The following EPHA3 variants were observed in gnomAD, a reference collection of about 807,000 sequenced individuals.
The protein encoded by EPHA3 is EPH receptor A3, also known as ephrin type-A receptor 3.
Under a neutral mutation model 107.1 loss-of-function variants are expected in EPHA3, and 42 were observed. The ratio of observed to expected loss-of-function variants is 0.39; its 90% CI spans 0.31 to 0.51. The LOEUF is 0.51. Ranked by LOEUF, EPHA3 falls within the 20% of genes least tolerant of loss-of-function variation. The probability of loss-of-function intolerance (pLI) is 0.78; values close to 1 mark genes in which losing one functional copy is unlikely to be tolerated. For missense variants in EPHA3, 1,183 were observed against 1,211.2 expected, an observed-to-expected ratio of 0.98 and a Z score of 0.35; for synonymous variants, 461 against 424.8, an observed-to-expected ratio of 1.09 and a Z score of -1.05.
chr3:89,117,941 G>A (rs1009019023), intron 1 of EPHA3, among the ~76,000 whole-genome samples: 1 of 151,880 alleles, frequency 6.6e-6, no homozygotes, highest in Non-Finnish European at 1.5e-5. Context: ...AGAACTGACA[G>A]CATCATAGAA....
chr3:89,172,590 C>G (rs1705235128), intron 2 of EPHA3, among the ~76,000 whole-genome samples: 1 of 152,176 alleles, frequency 6.6e-6, no homozygotes, highest in Non-Finnish European at 1.5e-5. Flanking sequence ...TCACTCGATT[C>G]AAGTGGATCC....
chr3:89,324,328 G>A (rs942843549), intron 3 of EPHA3, among the ~76,000 whole-genome samples: 10 of 150,992 alleles, frequency 6.6e-5, no homozygotes, highest in Admixed American at 1.3e-4. Flanking sequence ...CAAACATGCC[G>A]TGCTATTTTT....
chr3:89,321,006 C>CT (rs1040374185), intron 3 of EPHA3, among the ~76,000 whole-genome samples: 5 of 151,254 alleles, frequency 3.3e-5, no homozygotes, highest in East Asian at 1.9e-4. Flanking sequence ...GAGAGACTGC[C>CT]TTTTTTTTTC....
At chr3:89,387,990 G>C (rs1372671166) in intron 5 of EPHA3, among the ~76,000 whole-genome samples, 1 of 151,916 alleles carries the variant, frequency 6.6e-6, no homozygotes, top group Non-Finnish European at 1.5e-5. Context: ...ATCGGGGGAG[G>C]AAATTCTGGT....
At chr3:89,112,470 A>G (rs1040512354) in intron 1 of EPHA3, among the ~76,000 whole-genome samples, 3 of 152,086 alleles carry the variant, frequency 2.0e-5, no homozygotes, top group African/African-American at 7.2e-5. Flanking sequence ...CATTTTTAAT[A>G]CTTTTCCACA....
rs761543893 is a variant in EPHA3, at chr3:89,408,149, G to A, written c.1762+18G>A. 6.2e-7 allele frequency: 1 copy of A among 1,611,604 alleles called. No homozygotes were observed. The highest frequency in any genetic ancestry group is 1.3e-5 in the African/African-American group (1 of 74,896). On this transcript the variant is annotated intron_variant, in intron 9 of 16. Transcript: ENST00000336596. Reference sequence around the variant, plus strand: ...TGGGCATTGTAAGTTTCTAAACTTGGCTTTTTGTTTTGCTTCACCGTTTTA... The same window carrying A: ...TGGGCATTGTAAGTTTCTAAACTTGACTTTTTGTTTTGCTTCACCGTTTTA...
chr3:89,122,598 G>A (rs1707415191), intron 1 of EPHA3, among the ~76,000 whole-genome samples: 1 of 152,114 alleles, frequency 6.6e-6, no homozygotes, highest in Non-Finnish European at 1.5e-5. Context: ...CATGTTTGTG[G>A]CACTTAAAAA....
In EPHA3 at chr3:89,395,938, T is replaced by C. The variant is rs1391704321; in HGVS notation, c.1408T>C (p.Tyr470His). The C allele has an allele frequency of 6.2e-7, 1 of 1,613,978 alleles. No individual in the cohort carries two copies. The highest frequency in any genetic ancestry group is 1.7e-5 in the Admixed American group (1 of 60,006). The change falls in exon 6 of 17, where the codon TAC becomes CAC. Residue 470 changes from tyrosine to histidine, a missense_variant. By Grantham distance (83) the Tyr-to-His change is moderately conservative (BLOSUM62 2). Transcript: ENST00000336596. ...PEHPNGIILDYEVKYYEKQEQ... is the reference protein window; with the variant it reads ...PEHPNGIILDHEVKYYEKQEQ... ...ACATCCTAATGGGATCATATTGGAC[T>C]ACGAGGTCAAATACTATGAAAAGGT...
At chr3:89,305,348 GC>G (rs1453647854) in intron 3 of EPHA3, among the ~76,000 whole-genome samples, 1 of 152,208 alleles carries the variant, frequency 6.6e-6, no homozygotes, top group African/African-American at 2.4e-5. Flanking sequence ...GGCAAATCAT[GC>G]CATCTGTTAG....
rs563439156 is a variant in EPHA3, at chr3:89,448,775, G to A, written c.2347-450G>A. On this transcript the variant is annotated intron_variant, in intron 13 of 16. Transcript: ENST00000336596. Reference sequence around the variant, plus strand: ...TGTAAGTACTTATGTGCCAGGGAGTGGTCTAAGTTCTTTACAAATACTGAC... The same window carrying A: ...TGTAAGTACTTATGTGCCAGGGAGTAGTCTAAGTTCTTTACAAATACTGAC... 4.6e-5 allele frequency among the ~76,000 whole-genome samples: 7 copies of A among 152,066 alleles called. No homozygotes were observed. The East Asian group carries it at 1.4e-3, about 30-fold the overall frequency.
chr3:89,224,134 A>G (rs1704446219), intron 3 of EPHA3, among the ~76,000 whole-genome samples: 1 of 152,182 alleles, frequency 6.6e-6, no homozygotes, highest in Non-Finnish European at 1.5e-5. Context: ...CACACATGGG[A>G]GATGTAAACC....
chr3:89,417,375 T>C (rs559955700), intron 10 of EPHA3, among the ~76,000 whole-genome samples: 1 of 151,622 alleles, frequency 6.6e-6, no homozygotes, highest in South Asian at 2.1e-4. Flanking sequence ...TTAGAATATG[T>C]GATGATGACA....
intron 13 of EPHA3, among the ~76,000 whole-genome samples, chr3:89,433,824 T>C (rs1373023127): frequency 6.6e-6 from 1 of 152,174 alleles, no homozygotes; most frequent in African/African-American, 2.4e-5. Context: ...ACCTCAACAG[T>C]GCTTTTTAGT....
intron 15 of EPHA3, among the ~76,000 whole-genome samples, chr3:89,470,423 C>T (rs1039281046): frequency 6.6e-6 from 1 of 152,194 alleles, no homozygotes; most frequent in African/African-American, 2.4e-5. Context: ...GAACAGCTAA[C>T]ACATAGTGCT....
intron 3 of EPHA3, among the ~76,000 whole-genome samples, chr3:89,316,578 G>A (rs140771906): frequency 5.4e-4 from 76 of 141,828 alleles, no homozygotes; most frequent in African/African-American, 1.8e-3. Context: ...CCCTAAAAAG[G>A]AGATTAATCA....
chr3:89,166,885 C>T (rs904561387), intron 2 of EPHA3, among the ~76,000 whole-genome samples: 3 of 152,078 alleles, frequency 2.0e-5, no homozygotes, highest in Non-Finnish European at 2.9e-5. Flanking sequence ...AGCACAGCAA[C>T]CCAGCAAGTA....
chr3:89,182,068 T>G (rs1705455016), intron 2 of EPHA3, among the ~76,000 whole-genome samples: 1 of 151,800 alleles, frequency 6.6e-6, no homozygotes, highest in South Asian at 2.1e-4. Flanking sequence ...TTGATGACCA[T>G]ACTATCATAA....
intron 2 of EPHA3, among the ~76,000 whole-genome samples, chr3:89,193,272 T>C (rs909464431): frequency 1.3e-5 from 2 of 152,086 alleles, no homozygotes; most frequent in Non-Finnish European, 2.9e-5. Context: ...TTTTTGGGTT[T>C]AAAAATTTCT....
chr3:89,436,492 G>T (rs958355732), intron 13 of EPHA3, among the ~76,000 whole-genome samples: 1 of 151,898 alleles, frequency 6.6e-6, no homozygotes, highest in African/African-American at 2.4e-5. Context: ...GAAAGTTACT[G>T]CCTGTAGGTA....
Sources: allele counts gnomAD v4.1 joint callset (sites outside exome capture counted in the v4.1 genomes callset), GRCh38; gene constraint gnomAD v4.1.1; transcripts MANE v1.5; gene names NCBI Gene and HGNC (gene_info 2026-07-23, HGNC 2026-07-21).